The following GRIK2 variants were observed in gnomAD, a reference collection of about 807,000 sequenced individuals.
GRIK2 encodes glutamate ionotropic receptor kainate type subunit 2.
Under a neutral mutation model 100.3 loss-of-function variants are expected in GRIK2, and 32 were observed. The ratio of observed to expected loss-of-function variants is 0.32; its 90% CI spans 0.24 to 0.43. GRIK2 has a LOEUF of 0.43. GRIK2 is among the 20% of genes least tolerant of loss of function. The pLI, the probability that GRIK2 is intolerant of heterozygous loss-of-function variation, is 1.00. For synonymous variants in GRIK2, 417 were observed against 389.4 expected, an observed-to-expected ratio of 1.07 and a Z score of -0.83; for missense variants, 843 against 1,114.9, an observed-to-expected ratio of 0.76 and a Z score of 3.47.
chr6:101,533,930 CT>C (rs1359251970), intron 2 of GRIK2, among the ~76,000 whole-genome samples: 1 of 151,794 alleles, frequency 6.6e-6, no homozygotes, highest in Non-Finnish European at 1.5e-5. Flanking sequence ...CTTTTTCTAG[CT>C]GTGAATTTCT....
At chr6:101,776,531 A>G (rs543305430) in intron 7 of GRIK2, among the ~76,000 whole-genome samples, 1 of 152,206 alleles carries the variant, frequency 6.6e-6, no homozygotes, top group South Asian at 2.1e-4. Context: ...ACCTGATTCA[A>G]TCCCCTCCTT....
chr6:101,684,247 CAG>C (rs1310000741), intron 6 of GRIK2, among the ~76,000 whole-genome samples: 1 of 152,120 alleles, frequency 6.6e-6, no homozygotes, highest in Non-Finnish European at 1.5e-5. Context: ...TGTTACAACT[CAG>C]CATAAGCGTA....
intron 2 of GRIK2, among the ~76,000 whole-genome samples, chr6:101,556,085 A>G (rs1290285661): frequency 6.6e-6 from 1 of 151,980 alleles, no homozygotes; most frequent in Admixed American, 6.6e-5. Flanking sequence ...TAGTGATTAT[A>G]TATATCACAG....
chr6:101,983,532 T>C (rs1793839868), intron 14 of GRIK2, among the ~76,000 whole-genome samples: 1 of 151,784 alleles, frequency 6.6e-6, no homozygotes, highest in Admixed American at 6.6e-5. Context: ...CTAATACATG[T>C]CCTCATGTTT....
At chr6:101,708,531 G>A (rs571348356) in intron 7 of GRIK2, among the ~76,000 whole-genome samples, 4 of 151,378 alleles carry the variant, frequency 2.6e-5, no homozygotes, top group Admixed American at 2.0e-4. Flanking sequence ...CATGCCCATT[G>A]TCACTCTTTA....
intron 2 of GRIK2, among the ~76,000 whole-genome samples, chr6:101,555,370 A>G (rs1776686889): frequency 6.6e-6 from 1 of 152,194 alleles, no homozygotes; most frequent in Non-Finnish European, 1.5e-5. Context: ...TATGGCAAGC[A>G]GCACACATGT....
At chr6:101,694,489 T>C (rs1772330865) in intron 7 of GRIK2, among the ~76,000 whole-genome samples, 1 of 150,312 alleles carries the variant, frequency 6.7e-6, no homozygotes, top group Non-Finnish European at 1.5e-5. Flanking sequence ...ATCAAAATAA[T>C]TAAAAAGCAT....
At chr6:101,931,259 G>T (rs1790268065) in intron 14 of GRIK2, among the ~76,000 whole-genome samples, 1 of 152,080 alleles carries the variant, frequency 6.6e-6, no homozygotes, top group Non-Finnish European at 1.5e-5. Context: ...GTGAACCAGA[G>T]ACTATTTTGT....
At chr6:101,814,620 G>A (rs1403428496) in intron 9 of GRIK2, among the ~76,000 whole-genome samples, 2 of 152,004 alleles carry the variant, frequency 1.3e-5, no homozygotes. Flanking sequence ...AAATTATTTT[G>A]GAAAGTTATT....
At chr6:101,508,595 T>C (rs1278894305) in intron 2 of GRIK2, among the ~76,000 whole-genome samples, 2 of 152,204 alleles carry the variant, frequency 1.3e-5, no homozygotes, top group Non-Finnish European at 2.9e-5. Context: ...TACTAAGATG[T>C]TAAGGCAAAT....
chr6:101,693,110 C>G (rs6942125), intron 7 of GRIK2, among the ~76,000 whole-genome samples: 120,168 of 152,022 alleles, frequency 0.79, 50,050 homozygotes, highest in East Asian at 0.92. Context: ...TTTTCTCATC[C>G]ACAGATTAAA....
chr6:102,044,402 A>G (rs561249332), intron 15 of GRIK2, among the ~76,000 whole-genome samples: 1 of 152,180 alleles, frequency 6.6e-6, no homozygotes, highest in African/African-American at 2.4e-5. Context: ...TGATAAAGAC[A>G]TACCCAAGAC....
intron 7 of GRIK2, among the ~76,000 whole-genome samples, chr6:101,741,269 A>G (rs1776009919): frequency 6.6e-6 from 1 of 152,208 alleles, no homozygotes. Flanking sequence ...TTCAATAATA[A>G]GGAATCCACT....
intron 14 of GRIK2, among the ~76,000 whole-genome samples, chr6:101,946,981 G>A (rs960821469): frequency 2.0e-5 from 3 of 152,000 alleles, no homozygotes; most frequent in Non-Finnish European, 2.9e-5. Context: ...AGGGCTCCTA[G>A]GACCTTGAGC....
At chr6:101,610,945 A>T (rs1779648664) in intron 2 of GRIK2, among the ~76,000 whole-genome samples, 1 of 151,746 alleles carries the variant, frequency 6.6e-6, no homozygotes, top group South Asian at 2.1e-4. Flanking sequence ...CTTCCCAATC[A>T]GTATGCAGGC....
intron 15 of GRIK2, among the ~76,000 whole-genome samples, chr6:102,040,982 T>G (rs1007156246): frequency 2.6e-5 from 4 of 151,622 alleles, no homozygotes; most frequent in African/African-American, 7.2e-5. Flanking sequence ...TAAATCTAGA[T>G]CTAATAATTT....
intron 2 of GRIK2, among the ~76,000 whole-genome samples, chr6:101,406,692 G>A (rs1289226999): frequency 1.3e-5 from 2 of 152,118 alleles, no homozygotes; most frequent in African/African-American, 4.8e-5. Flanking sequence ...CATGGGTGTG[G>A]AAGGGAGGCT....
chr6:101,885,525 G>A (rs1417632050), intron 11 of GRIK2, among the ~76,000 whole-genome samples: 2 of 151,992 alleles, frequency 1.3e-5, no homozygotes, highest in African/African-American at 4.8e-5. Context: ...TACAAATTTT[G>A]TAGGGTTGTA....
At chr6:101,856,216 G>A (rs547137798) in intron 10 of GRIK2, among the ~76,000 whole-genome samples, 1 of 152,240 alleles carries the variant, frequency 6.6e-6, no homozygotes, top group East Asian at 1.9e-4. Flanking sequence ...TGTATCAAAT[G>A]AGCTAAAAGA....
Sources: allele counts gnomAD v4.1 joint callset (sites outside exome capture counted in the v4.1 genomes callset), GRCh38; gene constraint gnomAD v4.1.1; transcripts MANE v1.5; gene names NCBI Gene and HGNC (gene_info 2026-07-23, HGNC 2026-07-21).